The following MTFMT variants were observed in gnomAD, a reference collection of about 807,000 sequenced individuals.
MTFMT encodes mitochondrial methionyl-tRNA formyltransferase.
Under a neutral mutation model 51.8 loss-of-function variants are expected in MTFMT, and 47 were observed. The observed-to-expected ratio is 0.91, with a 90% CI of 0.72 to 1.16. The LOEUF (loss-of-function observed/expected upper bound fraction) is 1.16, where lower values mean the gene tolerates loss of function less well. MTFMT is among the 50% of genes most tolerant of loss of function. MTFMT has a pLI of 0.00. For missense variants in MTFMT, 512 were observed against 482.3 expected, an observed-to-expected ratio of 1.06 and a Z score of -0.58; for synonymous variants, 196 against 176.7, an observed-to-expected ratio of 1.11 and a Z score of -0.87.
Position 65,023,702 on chromosome 15 carries a change from C to A in MTFMT, c.512G>T (p.Gly171Val). The A allele has an allele frequency of 6.2e-7, 1 of 1,613,642 alleles. No individual in the cohort carries two copies. The highest frequency in any genetic ancestry group is 1.1e-5 in the South Asian group (1 of 91,050). The change falls in exon 3 of 9, where the codon GGA becomes GTA. Residue 171 changes from glycine to valine, a missense_variant. Coordinates refer to ENST00000220058, the MANE Select transcript of MTFMT (RefSeq NM_139242.4). ...AGGTCTAATTTGCATAATTGTTACT[C>A]CAGTAACTGTGTCTCCGTGAAGCAC... ...HTVLHGDTVT[G>V]VTIMQIRPKR...
At chr15:65,027,300 C>T (rs1004337591) in intron 1 of MTFMT, among the ~76,000 whole-genome samples, 5 of 151,394 alleles carry the variant, frequency 3.3e-5, no homozygotes, top group South Asian at 4.2e-4. Context: ...TAGGTTCAAG[C>T]GATTATCCTG....
rs1037159866 is a variant in MTFMT, at chr15:65,006,725, A to G, written c.814-534T>C. On this transcript the variant is annotated intron_variant, in intron 6 of 8. Transcript: ENST00000220058. The stretch of plus-strand genomic sequence containing the variant: ...TTTAAAATCAATGTTTATATCTAAT[A>G]TACTAATATTTCCAATTAAAAATTT... Among the ~76,000 whole-genome samples the G allele has an allele frequency of 4.1e-4, 62 of 152,188 alleles. 1 individual carries two copies. The highest frequency in any genetic ancestry group is 4.1e-3 in the Admixed American group (62 of 15,276).
chr15:65,010,537 T>C (rs372404915), intron 6 of MTFMT, among the ~76,000 whole-genome samples: 2 of 152,218 alleles, frequency 1.3e-5, no homozygotes, highest in Non-Finnish European at 2.9e-5. Flanking sequence ...CATGTGATTA[T>C]GGTTATGGCT....
intron 2 of MTFMT, chr15:65,026,514 GA>G (rs376621251): frequency 3.4e-6 from 1 of 293,376 alleles, no homozygotes; most frequent in Middle Eastern, 6.3e-4. Context: ...CAGAGAAAGG[GA>G]ACATCTTAAG....
At position 65,001,943 on chromosome 15, in the gene MTFMT, A is replaced by T. The variant is rs2086179552; in HGVS notation, c.*1119T>A. ...ACAGATCAATGTGGCAGAGATTATT[A>T]AATATTACCTACGTTTACTACTTGG... On this transcript the variant is annotated 3_prime_UTR_variant, in exon 9 of 9. Coordinates refer to ENST00000220058, the MANE Select transcript of MTFMT (RefSeq NM_139242.4). 1 of 152,206 alleles carries T rather than the reference A, an allele frequency of 6.6e-6. No individual in the cohort carries two copies. The highest frequency in any genetic ancestry group is 1.5e-5 in the Non-Finnish European group (1 of 68,044). 9.4% of individuals were successfully genotyped at this position (152,206 alleles called of 1,614,324 possible).
At chr15:65,011,420 C>T (rs1405415695) in intron 6 of MTFMT, among the ~76,000 whole-genome samples, 5 of 150,042 alleles carry the variant, frequency 3.3e-5, no homozygotes, top group Non-Finnish European at 7.4e-5. Context: ...GAATTCTTTA[C>T]TCTGGATATT....
chr15:65,017,077 T>G (rs1403443508), intron 5 of MTFMT, among the ~76,000 whole-genome samples: 1 of 145,198 alleles, frequency 6.9e-6, no homozygotes, highest in Non-Finnish European at 1.5e-5. Context: ...CTACCATGCC[T>G]AGGCAAAATA....
chr15:65,014,122 C>A (rs2086295064), intron 6 of MTFMT, among the ~76,000 whole-genome samples: 2 of 151,966 alleles, frequency 1.3e-5, no homozygotes, highest in Non-Finnish European at 2.9e-5. Context: ...TGGGTTAGCC[C>A]ACCTTGGGTT....
intron 4 of MTFMT, among the ~76,000 whole-genome samples, chr15:65,020,971 T>C (rs1380144500): frequency 6.6e-6 from 1 of 152,174 alleles, no homozygotes; most frequent in African/African-American, 2.4e-5. Context: ...TTCCTCTGTA[T>C]AAAATTAACC....
intron 2 of MTFMT, 145 bp downstream of exon 2, chr15:65,026,686 A>G (rs982584738): frequency 3.5e-5 from 25 of 719,622 alleles, no homozygotes; most frequent in Non-Finnish European, 4.7e-5. Context: ...ACTTTAAGCA[A>G]ACATGTACAG....
At chr15:65,027,183 G>T in intron 1 of MTFMT, 143 bp from the exon 2 acceptor site, 2 of 629,098 alleles carry the variant, frequency 3.2e-6, no homozygotes, top group Admixed American at 3.1e-5. Flanking sequence ...GAGAGACTGA[G>T]TTTTCATTTT....
At chr15:65,017,391 C>T (rs1423172261) in intron 5 of MTFMT, among the ~76,000 whole-genome samples, 3 of 152,118 alleles carry the variant, frequency 2.0e-5, no homozygotes, top group Non-Finnish European at 4.4e-5. Context: ...TCTGAATAAC[C>T]ATGTGCCTGT....
intron 3 of MTFMT, among the ~76,000 whole-genome samples, chr15:65,022,735 C>A (rs927264123): frequency 7.4e-6 from 1 of 134,316 alleles, no homozygotes; most frequent in Non-Finnish European, 1.6e-5. Flanking sequence ...GAGACAGGTT[C>A]TTGCTCCGTC....
chr15:65,027,082 T>C, intron 1 of MTFMT, 42 bp from the exon 2 acceptor site: 2 of 1,481,692 alleles, frequency 1.3e-6, no homozygotes, highest in Non-Finnish European at 1.9e-6. Context: ...GTTAAGGCAA[T>C]GACTCAAAGC....
At chr15:65,003,331 A>G (rs2086193062) in intron 8 of MTFMT, 75 bp from the exon 9 acceptor site, 1 of 1,162,842 alleles carries the variant, frequency 8.6e-7, no homozygotes, top group East Asian at 2.6e-5. Flanking sequence ...TAGTTTATAA[A>G]ATTTTTATCA....
intron 6 of MTFMT, among the ~76,000 whole-genome samples, chr15:65,007,058 G>A (rs1051379558): frequency 2.0e-5 from 3 of 152,168 alleles, no homozygotes; most frequent in African/African-American, 4.8e-5. Context: ...CTAAGGGCCC[G>A]CATGAGCACT....
At chr15:65,019,630 G>A (rs1017579140) in intron 5 of MTFMT, among the ~76,000 whole-genome samples, 1 of 151,658 alleles carries the variant, frequency 6.6e-6, no homozygotes. Context: ...ATGACATAGA[G>A]AGAGGAAAAA....
rs1196525907 is a variant in MTFMT, at chr15:65,021,582, C to A, written c.577G>T (p.Val193Phe). 1 of 1,594,532 alleles carries A rather than the reference C, an allele frequency of 6.3e-7. No individual in the cohort carries two copies. The highest frequency in any genetic ancestry group is 1.1e-5 in the South Asian group (1 of 89,534). The stretch of plus-strand genomic sequence containing the variant: ...GCAGTGCTCTTGGGTGGCACAGGAA[C>A]AGTTTCTTGTTTGAGAATTGGGCCT... Reference protein sequence around the residue: ...DVGPILKQETVPVPPKSTAKE... With the variant: ...DVGPILKQETFPVPPKSTAKE... Residue 193 changes from valine to phenylalanine, a missense_variant, in exon 4 of 9, where the codon GTT becomes TTT. Physicochemically the swap from Val to Phe is conservative, Grantham distance 50. Coordinates refer to ENST00000220058, the MANE Select transcript of MTFMT (RefSeq NM_139242.4).
Position 65,015,709 on chromosome 15 carries a change from G to A in MTFMT, c.813+727C>T, listed in dbSNP as rs148298761. 8.0e-3 allele frequency: 1,219 copies of A among 152,810 alleles called. 28 individuals are homozygous for A. The highest frequency in any genetic ancestry group is 0.029 in the African/African-American group (1,186 of 41,560). The allele number at this position is 152,810 out of a possible 1,614,324, so 9.5% of individuals were successfully genotyped here. On this transcript the variant is annotated intron_variant, in intron 6 of 8. Coordinates refer to ENST00000220058, the MANE Select transcript of MTFMT (RefSeq NM_139242.4). Reference sequence around the variant, plus strand: ...AAAAATTAGCCAGGTGTGGTGGTGTGTGCCTGTGGTTGCAGCTACTCAGGG... The same window carrying A: ...AAAAATTAGCCAGGTGTGGTGGTGTATGCCTGTGGTTGCAGCTACTCAGGG...
Sources: gnomAD v4.1 joint callset for allele counts (sites outside exome capture counted in the v4.1 genomes callset) on GRCh38, gnomAD v4.1.1 for gene constraint, MANE v1.5 for transcripts, NCBI Gene and HGNC (gene_info 2026-07-23, HGNC 2026-07-21) for gene names.